TAF4: variants seen among roughly 807,000 people sequenced by gnomAD.
TAF4 encodes TATA-box binding protein associated factor 4, also known as transcription initiation factor TFIID subunit 4.
A neutral mutation model predicts 90.3 loss-of-function variants in TAF4; 9 were observed. That is an observed-to-expected ratio of 0.10 (90% CI 0.06 to 0.17). The LOEUF is 0.17. TAF4 is among the 10% of genes least tolerant of loss of function. TAF4 has a pLI of 1.00. For missense variants in TAF4, 1,351 were observed against 1,370.7 expected, an observed-to-expected ratio of 0.99 and a Z score of 0.23; for synonymous variants, 818 against 638.9, an observed-to-expected ratio of 1.28 and a Z score of -4.23.
chr20:62,064,932 G>A lies in TAF4; in HGVS notation c.879C>T (p.Ala293=), dbSNP rs1218796651. ...PPGHPAGPPT[A]APAVPPPAAA... Reference sequence around the variant, plus strand: ...CGGCGGGGGGCGGCACGGCGGGCGCGGCGGTCGGGGGTCCGGCGGGGTGGC... The same window carrying A: ...CGGCGGGGGGCGGCACGGCGGGCGCAGCGGTCGGGGGTCCGGCGGGGTGGC... The change falls in exon 1 of 15, where the codon GCC becomes GCT. Residue 293 remains alanine, a synonymous_variant. Coordinates refer to ENST00000252996, the MANE Select transcript of TAF4 (RefSeq NM_003185.4). 8 of 584,548 alleles carry A rather than the reference G, an allele frequency of 1.4e-5. No individual in the cohort carries two copies. Among genetic ancestry groups the A allele is most frequent in the Non-Finnish European group, 1.7e-5 (8 of 470,168 alleles). 36.2% of individuals were successfully genotyped at this position (584,548 alleles called of 1,614,324 possible).
intron 1 of TAF4, among the ~76,000 whole-genome samples, chr20:62,018,290 C>G (rs1162009777): frequency 6.6e-6 from 1 of 152,230 alleles, no homozygotes; most frequent in African/African-American, 2.4e-5. Context: ...GTGTGATGAT[C>G]TGAGGACACT....
At chr20:61,998,229 T>G in intron 12 of TAF4, 37 bp from the exon 13 acceptor site, 1 of 1,591,828 alleles carries the variant, frequency 6.3e-7, no homozygotes, top group Non-Finnish European at 8.6e-7. Context: ...AAGTAAGTTA[T>G]GAACTAAATG....
intron 3 of TAF4, among the ~76,000 whole-genome samples, chr20:62,011,701 C>G (rs1030844980): frequency 5.9e-5 from 9 of 152,292 alleles, no homozygotes; most frequent in African/African-American, 2.2e-4. Flanking sequence ...CCCCCTGGGG[C>G]TCAGCCTCCA....
intron 14 of TAF4, among the ~76,000 whole-genome samples, chr20:61,985,871 T>C (rs1338461799): frequency 1.4e-5 from 2 of 144,646 alleles, no homozygotes; most frequent in Admixed American, 6.9e-5. Flanking sequence ...GCCCAGAGTA[T>C]GGTTCTAAAC....
At chr20:61,993,256 C>T (rs2055643368) in intron 14 of TAF4, among the ~76,000 whole-genome samples, 1 of 152,214 alleles carries the variant, frequency 6.6e-6, no homozygotes, top group Non-Finnish European at 1.5e-5. Context: ...CAGCCCAGAC[C>T]CGTGTCCTCG....
At chr20:62,026,208 G>C (rs1272438939) in intron 1 of TAF4, among the ~76,000 whole-genome samples, 1 of 152,102 alleles carries the variant, frequency 6.6e-6, no homozygotes, top group Non-Finnish European at 1.5e-5. Context: ...AGCTGCCCGA[G>C]AGTCGTATTA....
intron 14 of TAF4, among the ~76,000 whole-genome samples, chr20:61,988,511 C>T (rs1404042053): frequency 4.6e-5 from 7 of 152,038 alleles, no homozygotes; most frequent in Admixed American, 1.3e-4. Context: ...CTGTAACTTT[C>T]CTGTAAGTAT....
intron 1 of TAF4, among the ~76,000 whole-genome samples, chr20:62,055,240 T>C (rs1456673171): frequency 2.0e-5 from 3 of 149,848 alleles, no homozygotes; most frequent in African/African-American, 4.9e-5. Flanking sequence ...TGCAAGACAA[T>C]AGATTCACGC....
chr20:62,045,013 C>T (rs2055985279), intron 1 of TAF4, among the ~76,000 whole-genome samples: 1 of 152,168 alleles, frequency 6.6e-6, no homozygotes, highest in Non-Finnish European at 1.5e-5. Context: ...AGAAAAGAGG[C>T]CACCTTGAGT....
At chr20:62,036,907 G>A (rs996627164) in intron 1 of TAF4, among the ~76,000 whole-genome samples, 3 of 152,200 alleles carry the variant, frequency 2.0e-5, no homozygotes, top group African/African-American at 4.8e-5. Context: ...CCTTATGAAA[G>A]AGCCTGTCCC....
intron 14 of TAF4, among the ~76,000 whole-genome samples, chr20:61,984,376 GCAATCCCA>G (rs1353741463): frequency 6.6e-6 from 1 of 152,214 alleles, no homozygotes; most frequent in Non-Finnish European, 1.5e-5. Context: ...CCTCAATTCA[GCAATCCCA>G]TCTCTCGGAA....
chr20:62,060,509 C>T (rs989917940), intron 1 of TAF4, among the ~76,000 whole-genome samples: 23 of 152,226 alleles, frequency 1.5e-4, no homozygotes, highest in African/African-American at 5.3e-4. Context: ...TGACTCTGTT[C>T]ATCCCGAAGG....
chr20:62,032,510 A>G (rs1026757573), intron 1 of TAF4, among the ~76,000 whole-genome samples: 7 of 152,256 alleles, frequency 4.6e-5, no homozygotes, highest in African/African-American at 1.7e-4. Context: ...CTGTCTGCAG[A>G]GGATGGGCTT....
In TAF4 at chr20:62,065,031, GGCGGCGGGGGGCGAGGGC is replaced by G. The variant is rs2056118012; in HGVS notation, c.762_779del (p.Ser256_Pro261del). ...CGGCGGCGGGGGCGGCGGGCGCGGG[GGCGGCGGGGGGCGAGGGC>G]GCGGCGGGCGCGGGGGGCGCGGCGG... On this transcript the variant is annotated inframe_deletion, in exon 1 of 15. Transcript: ENST00000252996. 1.9e-6 allele frequency: 1 copy of G among 519,864 alleles called. No individual in the cohort carries two copies. The highest frequency in any genetic ancestry group is 2.4e-6 in the Non-Finnish European group (1 of 413,094). 32.2% of individuals were successfully genotyped at this position (519,864 alleles called of 1,614,324 possible).
intron 1 of TAF4, among the ~76,000 whole-genome samples, chr20:62,020,738 A>G (rs1164117869): frequency 2.0e-5 from 3 of 152,250 alleles, no homozygotes; most frequent in Admixed American, 2.0e-4. Context: ...AGATTATCCA[A>G]TACGACAGTC....
chr20:62,029,996 G>T (rs373579504), intron 1 of TAF4, among the ~76,000 whole-genome samples: 1 of 152,220 alleles, frequency 6.6e-6, no homozygotes, highest in African/African-American at 2.4e-5. Context: ...ACAGTGCGCC[G>T]CAGGGGCATG....
chr20:61,976,498 C>A (rs1011196877), intron 14 of TAF4, among the ~76,000 whole-genome samples, 163 bp from the exon 15 acceptor site: 1 of 152,228 alleles, frequency 6.6e-6, no homozygotes, highest in African/African-American at 2.4e-5. Context: ...TGTCCAGGGC[C>A]CTGCCAGGGC....
At chr20:61,997,301 T>C (rs2055669214) in intron 14 of TAF4, among the ~76,000 whole-genome samples, 1 of 152,204 alleles carries the variant, frequency 6.6e-6, no homozygotes, top group Non-Finnish European at 1.5e-5. Flanking sequence ...CCTTTTCAAA[T>C]CCAGCCTAAA....
intron 14 of TAF4, among the ~76,000 whole-genome samples, chr20:61,996,147 A>C (rs2055661324): frequency 6.6e-6 from 1 of 152,242 alleles, no homozygotes; most frequent in Non-Finnish European, 1.5e-5. Context: ...TACCACGTAC[A>C]GGGAACAAGC....
Sources: gnomAD v4.1 joint callset for allele counts (sites outside exome capture counted in the v4.1 genomes callset) on GRCh38, gnomAD v4.1.1 for gene constraint, MANE v1.5 for transcripts, NCBI Gene and HGNC (gene_info 2026-07-23, HGNC 2026-07-21) for gene names.